The following EVA1C variants were observed in gnomAD, a reference collection of about 807,000 sequenced individuals.
EVA1C encodes protein eva-1 homolog C.
Under a neutral mutation model 45.4 loss-of-function variants are expected in EVA1C, and 25 were observed. The ratio of observed to expected loss-of-function variants is 0.55; its 90% CI spans 0.40 to 0.77. EVA1C has a LOEUF of 0.77. Ranked by LOEUF, EVA1C falls within the 30% of genes least tolerant of loss-of-function variation. The probability of loss-of-function intolerance (pLI) is 0.00; values close to 1 mark genes in which losing one functional copy is unlikely to be tolerated. For missense variants in EVA1C, 479 were observed against 554.8 expected, an observed-to-expected ratio of 0.86 and a Z score of 1.37; for synonymous variants, 190 against 221.2, an observed-to-expected ratio of 0.86 and a Z score of 1.25.
chr21:32,493,326 T>C lies in EVA1C; in HGVS notation c.635-1701T>C, dbSNP rs190213291. Reference sequence around the variant, plus strand: ...CCTCTACACTGTCCCCTAAAGACAATAGTGTCAGGCATTTCTTTAGGCTTC... The same window carrying C: ...CCTCTACACTGTCCCCTAAAGACAACAGTGTCAGGCATTTCTTTAGGCTTC... On this transcript the variant is annotated intron_variant, in intron 4 of 7. Coordinates refer to ENST00000300255, the MANE Select transcript of EVA1C (RefSeq NM_058187.5). 1.1e-4 allele frequency among the ~76,000 whole-genome samples: 16 copies of C among 152,330 alleles called. No individual in the cohort carries two copies. The East Asian group carries it at 1.9e-3, about 18-fold the overall frequency.
intron 4 of EVA1C, among the ~76,000 whole-genome samples, chr21:32,475,422 G>A (rs372890537): frequency 6.7e-6 from 1 of 150,076 alleles, no homozygotes; most frequent in Non-Finnish European, 1.5e-5. Flanking sequence ...ATGAGAAAAG[G>A]ATTCAGCCAC....
intron 1 of EVA1C, among the ~76,000 whole-genome samples, chr21:32,415,458 T>C (rs1415735508): frequency 1.3e-5 from 2 of 152,160 alleles, no homozygotes; most frequent in Non-Finnish European, 1.5e-5. Flanking sequence ...TATAGGCCCC[T>C]TTCTCCCCCC....
intron 5 of EVA1C, among the ~76,000 whole-genome samples, chr21:32,499,855 G>A (rs1282054068): frequency 6.6e-6 from 1 of 152,194 alleles, no homozygotes; most frequent in East Asian, 1.9e-4. Flanking sequence ...AGCGGGTGCT[G>A]TCATCTGCCG....
intron 1 of EVA1C, among the ~76,000 whole-genome samples, chr21:32,418,276 G>A (rs2034131905): frequency 6.6e-6 from 1 of 152,142 alleles, no homozygotes; most frequent in Admixed American, 6.6e-5. Flanking sequence ...CCAAATGTCC[G>A]AAGGAGTTGT....
chr21:32,433,152 A>C (rs1187975855), intron 1 of EVA1C: 1 of 152,270 alleles, frequency 6.6e-6, no homozygotes, highest in East Asian at 1.9e-4. Context: ...TATCTCCAGA[A>C]CCCATGTGAT....
chr21:32,510,601 A>G (rs193092272), intron 7 of EVA1C, among the ~76,000 whole-genome samples: 17 of 152,326 alleles, frequency 1.1e-4, no homozygotes, highest in African/African-American at 4.1e-4. Flanking sequence ...CATTCACTAG[A>G]AAAGGCGGGC....
At chr21:32,447,014 A>G (rs1387212604) in intron 1 of EVA1C, among the ~76,000 whole-genome samples, 3 of 151,830 alleles carry the variant, frequency 2.0e-5, no homozygotes, top group Non-Finnish European at 2.9e-5. Flanking sequence ...CCTTTCTTAC[A>G]TTTAGCTTGG....
chr21:32,465,644 C>A (rs1249545252), intron 3 of EVA1C, among the ~76,000 whole-genome samples: 1 of 152,052 alleles, frequency 6.6e-6, no homozygotes, highest in Non-Finnish European at 1.5e-5. Flanking sequence ...ATTACAGGCA[C>A]CCAACACCAC....
intron 4 of EVA1C, among the ~76,000 whole-genome samples, chr21:32,476,682 G>A (rs534685481): frequency 6.6e-6 from 1 of 152,108 alleles, no homozygotes; most frequent in South Asian, 2.1e-4. Context: ...GGAAGAGGGT[G>A]GAGAAGTAGG....
intron 1 of EVA1C, among the ~76,000 whole-genome samples, chr21:32,418,890 A>G (rs1601196011): frequency 6.6e-6 from 1 of 152,296 alleles, no homozygotes; most frequent in African/African-American, 2.4e-5. Context: ...AGTCCTTCCA[A>G]AGTGGGTGCA....
chr21:32,485,484 T>C (rs568504414), intron 4 of EVA1C, among the ~76,000 whole-genome samples: 2 of 152,180 alleles, frequency 1.3e-5, no homozygotes, highest in Non-Finnish European at 2.9e-5. Flanking sequence ...ATTTTTTTCA[T>C]TTTGTTTTTC....
chr21:32,511,999 T>TA (rs996764399), intron 7 of EVA1C, among the ~76,000 whole-genome samples: 20 of 150,994 alleles, frequency 1.3e-4, no homozygotes, highest in South Asian at 4.2e-4. Context: ...GATATTAAAT[T>TA]AAAAAAAAAC....
At chr21:32,415,912 G>A (rs1601187437) in intron 1 of EVA1C, among the ~76,000 whole-genome samples, 1 of 152,198 alleles carries the variant, frequency 6.6e-6, no homozygotes, top group African/African-American at 2.4e-5. Context: ...TTGGGATAGA[G>A]TTCTCTTCAT....
intron 4 of EVA1C, among the ~76,000 whole-genome samples, chr21:32,484,108 T>C (rs1246157805): frequency 6.6e-6 from 1 of 152,122 alleles, no homozygotes; most frequent in Non-Finnish European, 1.5e-5. Context: ...GGTTCTCCAA[T>C]GAGTAGAAGA....
At chr21:32,428,454 AG>A (rs2034573559) in intron 1 of EVA1C, 2 of 152,258 alleles carry the variant, frequency 1.3e-5, no homozygotes, top group Non-Finnish European at 2.9e-5. Context: ...TACTGTGTGG[AG>A]GAATGTCTTA....
At chr21:32,423,269 A>G (rs761692920) in intron 1 of EVA1C, among the ~76,000 whole-genome samples, 2 of 152,098 alleles carry the variant, frequency 1.3e-5, no homozygotes, top group African/African-American at 2.4e-5. Context: ...GAGCTCTTCC[A>G]AGGACTATAA....
At position 32,469,759 on chromosome 21, in the gene EVA1C, GC is replaced by G. The variant is rs1274273638; in HGVS notation, c.634+1913del. On this transcript the variant is annotated intron_variant, in intron 4 of 7. Coordinates refer to ENST00000300255, the MANE Select transcript of EVA1C (RefSeq NM_058187.5). ...ACTCACGCAGAACTTCTGTGTTGCA[GC>G]CTTGAGGAAGATTCCTTTTTAGGGA... Among the ~76,000 whole-genome samples, 3 of 152,168 alleles carry G rather than the reference GC, an allele frequency of 2.0e-5. No homozygotes were observed. In the East Asian group the frequency reaches 5.8e-4, roughly 29 times the overall value.
chr21:32,437,160 A>AAAAC (rs938009539), intron 1 of EVA1C, among the ~76,000 whole-genome samples: 38 of 152,182 alleles, frequency 2.5e-4, no homozygotes, highest in Admixed American at 2.2e-3. Flanking sequence ...ACTCTTTCTC[A>AAAAC]AAACAAAACA....
At chr21:32,498,730 G>A (rs2037435430) in intron 5 of EVA1C, among the ~76,000 whole-genome samples, 2 of 152,164 alleles carry the variant, frequency 1.3e-5, no homozygotes, top group Non-Finnish European at 1.5e-5. Context: ...CTGAGTGGGA[G>A]AGGAAAGGTG....
Sources: gnomAD v4.1 joint callset for allele counts (sites outside exome capture counted in the v4.1 genomes callset) on GRCh38, gnomAD v4.1.1 for gene constraint, MANE v1.5 for transcripts, NCBI Gene and HGNC (gene_info 2026-07-23, HGNC 2026-07-21) for gene names.